The following TOP2A variants were observed in gnomAD, a reference collection of about 807,000 sequenced individuals.
The protein encoded by TOP2A is DNA topoisomerase II alpha.
A neutral mutation model predicts 187.2 loss-of-function variants in TOP2A; 68 were observed. The ratio of observed to expected loss-of-function variants is 0.36; its 90% CI spans 0.30 to 0.44. The LOEUF is 0.44. Among genes scored for constraint, TOP2A ranks in the 20% least tolerant of loss-of-function variants. The pLI is 1.00. For synonymous variants in TOP2A, 542 were observed against 593.2 expected (o/e 0.91, Z 1.25); for missense variants, 1,196 against 1,808.7 (o/e 0.66, Z 6.14).
In TOP2A at chr17:40,396,339, G is replaced by A. The variant is rs572906357; in HGVS notation, c.3664C>T (p.Arg1222Ter). The A allele has an allele frequency of 1.9e-6, 3 of 1,612,988 alleles. No individual in the cohort carries two copies. The highest frequency in any genetic ancestry group is 1.1e-5 in the South Asian group (1 of 91,028). ...PSPRGQRVIP[R>*]ITIEMKAEAE... ...TCTGCTTTCATTTCTATGGTTATTCGTGGAATGACTCTTTGACCACGCGGA... is the reference window on the plus strand; with the variant it reads ...TCTGCTTTCATTTCTATGGTTATTCATGGAATGACTCTTTGACCACGCGGA... Residue 1222 changes from arginine (R) to a stop codon, truncating the protein, a stop_gained, in exon 28 of 35, where the codon CGA becomes TGA. Coordinates refer to ENST00000423485, the MANE Select transcript of TOP2A (RefSeq NM_001067.4). LOFTEE classifies it high-confidence loss of function.
At chr17:40,394,032 T>A (rs1429318726) in intron 29 of TOP2A, among the ~76,000 whole-genome samples, 1 of 138,700 alleles carries the variant, frequency 7.2e-6, no homozygotes, top group Non-Finnish European at 1.5e-5. Flanking sequence ...GCATACTGCA[T>A]GCCAGCCTGG....
rs555236034 is a variant in TOP2A, at chr17:40,398,815, G to C, written c.3411C>G (p.Thr1137=). Residue 1137 remains threonine (T), a synonymous_variant, in exon 26 of 35, where the codon ACC becomes ACG. Transcript: ENST00000423485. ...YLLDMPLWYL[T]KEKKDELCRL... ...TGCAGAGTTCATCTTTCTTTTCCTT[G>C]GTTAAATACCAAAGGGGCATATCAA... 6.2e-7 allele frequency: 1 copy of C among 1,612,620 alleles called. No individual in the cohort carries two copies. Among genetic ancestry groups the C allele is most frequent in the Non-Finnish European group, 8.5e-7 (1 of 1,179,516 alleles).
At chr17:40,414,379 G>T (rs1373884281) in intron 4 of TOP2A, among the ~76,000 whole-genome samples, 1 of 152,010 alleles carries the variant, frequency 6.6e-6, no homozygotes. Flanking sequence ...TAAATTTTTT[G>T]TAGAGATGAG....
rs948216303 is a variant in TOP2A, at chr17:40,406,718, T to C, written c.1738-29A>G. ...TGATAAAAAACAATGACTGTGGCTT[T>C]GTACACTGTGGGGTCCCCTGTATAC... On this transcript the variant is annotated intron_variant, in intron 14 of 34. Coordinates refer to ENST00000423485, the MANE Select transcript of TOP2A (RefSeq NM_001067.4). The C allele has an allele frequency of 4.4e-6, 7 of 1,601,776 alleles. No individual in the cohort carries two copies. In the African/African-American group the frequency reaches 5.4e-5, roughly 12 times the overall value.
At position 40,392,763 on chromosome 17, in the gene TOP2A, C is replaced by T. The variant is rs769805593; in HGVS notation, c.3812-26G>A. ...CTAGAGGGGAGATAGAAATTAATCA[C>T]CTTTATATATTAGACCCACTTTTCT... On this transcript the variant is annotated intron_variant, in intron 29 of 34. Coordinates refer to ENST00000423485, the MANE Select transcript of TOP2A (RefSeq NM_001067.4). The T allele has an allele frequency of 1.5e-5, 24 of 1,579,390 alleles. No individual in the cohort carries two copies. In the Admixed American group the frequency reaches 1.8e-4, roughly 12 times the overall value.
rs1400775827 is a variant in TOP2A, at chr17:40,404,814, G to A, written c.2023C>T (p.Arg675Ter). 4.4e-6 allele frequency: 7 copies of A among 1,604,760 alleles called. No individual in the cohort carries two copies. Among genetic ancestry groups the A allele is most frequent in the Non-Finnish European group, 6.0e-6 (7 of 1,174,934 alleles). Residue 675 changes from arginine to a stop codon, truncating the protein, a stop_gained, in exon 17 of 35, where the codon CGA becomes TGA. Transcript: ENST00000423485. LOFTEE classifies it high-confidence loss of function. The stretch of plus-strand genomic sequence containing the variant: ...ACCTCAGGAAGCCCAAGTAACTTTC[G>A]TTGTCTTCTATCCTCCATGAAATTA... ...LTNFMEDRRQ[R>*]KLLGLPEDYL...
intron 22 of TOP2A, 46 bp downstream of exon 22, chr17:40,400,483 A>G (rs1191529019): frequency 1.9e-6 from 3 of 1,600,984 alleles, no homozygotes; most frequent in African/African-American, 2.7e-5. Flanking sequence ...TACAAAAGGT[A>G]TTTCTTTTGA....
At chr17:40,399,313 A>G in intron 24 of TOP2A, 182 bp from the exon 25 acceptor site, 4 of 563,584 alleles carry the variant, frequency 7.1e-6, no homozygotes, top group Non-Finnish European at 1.2e-5. Context: ...AATTACCACA[A>G]GGGGGCAGTC....
chr17:40,398,497 A>T (rs1194954353), intron 27 of TOP2A, 61 bp downstream of exon 27: 1 of 1,371,700 alleles, frequency 7.3e-7, no homozygotes, highest in Non-Finnish European at 1.0e-6. Context: ...ACAAAGGTAT[A>T]CTGCTGGAAT....
chr17:40,411,794 C>T lies in TOP2A; in HGVS notation c.814G>A (p.Asp272Asn). 1.3e-6 allele frequency: 2 copies of T among 1,595,410 alleles called. No individual in the cohort carries two copies. The highest frequency in any genetic ancestry group is 1.7e-6 in the Non-Finnish European group (2 of 1,174,622). The change falls in exon 8 of 35, where the codon GAC becomes AAC. Residue 272 changes from aspartate (D) to asparagine (N), a missense_variant. Asp to Asn is a conservative substitution (Grantham distance 23). This residue lies in a region of TOP2A where 252 missense variants were observed against 434.8 expected (regional missense o/e 0.58). Transcript: ENST00000423485. The surrounding 1 kb of genome is among the most constrained non-coding windows in gnomAD (Gnocchi z 4.4). ...TCCAACTTGTCCTTCAAATACATGT[C>T]CACATAACTACGAAATCCTTTTACC... ...LPVKGFRSYV[D>N]MYLKDKLDET...
At position 40,390,146 on chromosome 17, in the gene TOP2A, G is replaced by C. The variant is rs747134484; in HGVS notation, c.4286C>G (p.Thr1429Ser). The change falls in exon 34 of 35, where the codon ACT (threonine) becomes AGT (serine). Residue 1429 changes from threonine to serine, a missense_variant. Thr to Ser is a moderately conservative substitution (Grantham distance 58). This residue lies in a region of TOP2A where 374 missense variants were observed against 403.3 expected (regional missense o/e 0.93). Coordinates refer to ENST00000423485, the MANE Select transcript of TOP2A (RefSeq NM_001067.4). Reference protein sequence around the residue: ...TAAKSQSSTSTTGAKKRAAPK... With the variant: ...TAAKSQSSTSSTGAKKRAAPK... ...GGCAGCCCTTTTTTTGGCACCGGTA[G>C]TGGAGGTGGAAGACTGACCTGCAAT... 3 of 1,612,512 alleles carry C rather than the reference G, an allele frequency of 1.9e-6. No homozygotes were observed. In the Admixed American group the frequency reaches 5.0e-5, roughly 27 times the overall value.
At chr17:40,399,804 C>A in intron 24 of TOP2A, 68 bp downstream of exon 24, 1 of 1,414,772 alleles carries the variant, frequency 7.1e-7, no homozygotes, top group Non-Finnish European at 9.5e-7. Flanking sequence ...TTACTCTCAC[C>A]AAAAATGTTT....
intron 27 of TOP2A, among the ~76,000 whole-genome samples, chr17:40,397,153 T>G (rs895488382): frequency 6.6e-6 from 1 of 151,862 alleles, no homozygotes; most frequent in Non-Finnish European, 1.5e-5. Flanking sequence ...CCAAAGCACA[T>G]TGGGATTACA....
Position 40,411,274 on chromosome 17 carries a change from T to G in TOP2A, c.1066-28A>C. On this transcript the variant is annotated intron_variant, in intron 9 of 34. Coordinates refer to ENST00000423485, the MANE Select transcript of TOP2A (RefSeq NM_001067.4). This position sits in a 1 kb window ranked among gnomAD's most constrained non-coding sequence, Gnocchi z 4.4. ...GCAATAGAAGTTGATATTAAGCCACTAAAAATGTACTCATGCTTTATTTAT... is the reference window on the plus strand; with the variant it reads ...GCAATAGAAGTTGATATTAAGCCACGAAAAATGTACTCATGCTTTATTTAT... The G allele has an allele frequency of 6.2e-7, 1 of 1,611,998 alleles. No homozygotes were observed. Among genetic ancestry groups the G allele is most frequent in the Non-Finnish European group, 8.5e-7 (1 of 1,179,266 alleles).
chr17:40,417,758 C>CA lies in TOP2A; in HGVS notation c.21+12_21+13insT. 2 of 1,612,960 alleles carry CA rather than the reference C, an allele frequency of 1.2e-6. No homozygotes were observed. Among genetic ancestry groups the CA allele is most frequent in the Non-Finnish European group, 1.7e-6 (2 of 1,179,822 alleles). ...GCGGAGGCTCCACCGCCAGTCCCCC[C>CA]CGCGAGCCGTACCTGCAATGGTGAC... is the stretch of plus-strand genomic sequence containing the variant. On this transcript the variant is annotated intron_variant, in intron 1 of 34. Coordinates refer to ENST00000423485, the MANE Select transcript of TOP2A (RefSeq NM_001067.4).
At position 40,390,131 on chromosome 17, in the gene TOP2A, T is replaced by C; in HGVS notation, c.4301A>G (p.Lys1434Arg). ...QSSTSTTGAK[K>R]RAAPKGTKRD... ...TTTAGTTCCTTTTGGGGCAGCCCTT[T>C]TTTTGGCACCGGTAGTGGAGGTGGA... Residue 1434 changes from lysine (K) to arginine (R), a missense_variant, in exon 34 of 35, where the codon AAA becomes AGA. Lys to Arg is a conservative substitution (Grantham distance 26). Around this residue, in one of 10 missense-constraint regions of TOP2A, gnomAD observed 374 missense variants for 403.3 expected, o/e 0.93. Transcript: ENST00000423485. 6.2e-7 allele frequency: 1 copy of C among 1,613,448 alleles called. No homozygotes were observed. Among genetic ancestry groups the C allele is most frequent in the Non-Finnish European group, 8.5e-7 (1 of 1,179,706 alleles).
At position 40,392,674 on chromosome 17, in the gene TOP2A, T is replaced by C; in HGVS notation, c.3875A>G (p.Asn1292Ser). The C allele has an allele frequency of 1.2e-6, 2 of 1,613,400 alleles. No homozygotes were observed. The highest frequency in any genetic ancestry group is 1.7e-6 in the Non-Finnish European group (2 of 1,179,800). The change falls in exon 30 of 35, where the codon AAT (asparagine) becomes AGT (serine). Residue 1292 changes from asparagine to serine, a missense_variant. Asn to Ser is a conservative substitution (Grantham distance 46). Coordinates refer to ENST00000423485, the MANE Select transcript of TOP2A (RefSeq NM_001067.4). ...ATCTGATTCTGAATCAGACCAGGGA[T>C]TTCTCTTCTTTCCTTTTTTGATTGG... ...FKPIKKGKKR[N>S]PWSDSESDRS... is the part of the protein sequence containing the mutation.
chr17:40,392,938 G>A, intron 29 of TOP2A, among the ~76,000 whole-genome samples: 1 of 152,198 alleles, frequency 6.6e-6, no homozygotes, highest in Non-Finnish European at 1.5e-5. Flanking sequence ...CGGGCACAGT[G>A]GCTCATGCCT....
At position 40,392,753 on chromosome 17, in the gene TOP2A, A is replaced by G. The variant is rs1383283679; in HGVS notation, c.3812-16T>C. ...GTCTTTGTACCTAGAGGGGAGATAG[A>G]AATTAATCACCTTTATATATTAGAC... On this transcript the variant is annotated splice_polypyrimidine_tract_variant and intron_variant, in intron 29 of 34. Transcript: ENST00000423485. The G allele has an allele frequency of 6.3e-7, 1 of 1,595,746 alleles. No homozygotes were observed. Among genetic ancestry groups the G allele is most frequent in the Non-Finnish European group, 8.5e-7 (1 of 1,174,498 alleles).
Sources: gnomAD v4.1 joint callset for allele counts (sites outside exome capture counted in the v4.1 genomes callset) on GRCh38, gnomAD v4.1.1 for gene constraint, gnomAD v4.1.1 regional missense constraint, Gnocchi (gnomAD v3.1) non-coding constraint, MANE v1.5 for transcripts, NCBI Gene and HGNC (gene_info 2026-07-23, HGNC 2026-07-21) for gene names.